NRK: variants seen among roughly 807,000 people sequenced by gnomAD.
The protein encoded by NRK is nik-related protein kinase.
A neutral mutation model predicts 125.2 loss-of-function variants in NRK; 67 were observed. The observed-to-expected ratio is 0.54, with a 90% CI of 0.44 to 0.66. The LOEUF (loss-of-function observed/expected upper bound fraction) is 0.66. Ranked by LOEUF, NRK falls within the 30% of genes least tolerant of loss-of-function variation. NRK has a pLI of 0.00. For synonymous variants in NRK, 458 were observed against 429.0 expected, an observed-to-expected ratio of 1.07 and a Z score of -0.84; for missense variants, 1,224 against 1,192.9, an observed-to-expected ratio of 1.03 and a Z score of -0.38.
At chrX:105,942,860 A>T (rs1444508320) in intron 23 of NRK, among the ~76,000 whole-genome samples, 2 of 110,735 alleles carry the variant, frequency 1.8e-5, no homozygotes, top group Non-Finnish European at 3.8e-5. Flanking sequence ...CCTGACCTCA[A>T]GTGATCCACC....
At chrX:105,885,472 T>C (rs1252956104) in intron 4 of NRK, among the ~76,000 whole-genome samples, 1 of 112,383 alleles carries the variant, frequency 8.9e-6, no homozygotes, top group Admixed American at 9.4e-5. Context: ...ATTTAAGTTG[T>C]CTTTTTGTAA....
intron 2 of NRK, among the ~76,000 whole-genome samples, chrX:105,851,101 T>C (rs1280531684): frequency 2.7e-5 from 3 of 112,017 alleles, no homozygotes; most frequent in African/African-American, 9.8e-5. Flanking sequence ...GTCAGCAACA[T>C]TGTGAGCAGA....
intron 14 of NRK, 113 bp downstream of exon 14, chrX:105,912,868 A>G: frequency 2.9e-6 from 1 of 339,175 alleles, no homozygotes; most frequent in Non-Finnish European, 5.3e-6. Flanking sequence ...GACCTCAAAA[A>G]GCTTTCATTT....
intron 17 of NRK, among the ~76,000 whole-genome samples, chrX:105,922,577 C>T (rs2040466467): frequency 9.0e-6 from 1 of 111,661 alleles, no homozygotes; most frequent in Non-Finnish European, 1.9e-5. Context: ...TTTTGAATTA[C>T]CTCTATGCTA....
chrX:105,895,227 T>G, intron 6 of NRK: 2 of 520,450 alleles, frequency 3.8e-6, no homozygotes. Context: ...TTTATTTTCC[T>G]TTCCTTATAG....
Position 105,937,616 on chromosome X carries a change from A to G in NRK, c.3799+34A>G. On this transcript the variant is annotated intron_variant, in intron 22 of 28. Transcript: ENST00000243300. ...AAGAACTAAAATTAGCTGAGTAATT[A>G]TGCAGATTAATTAGTCTGCAAACTG... The G allele has an allele frequency of 2.8e-6, 3 of 1,072,186 alleles. No homozygotes were observed. The South Asian group carries it at 6.7e-5, about 24-fold the overall frequency. 88.4% of individuals were successfully genotyped at this position (1,072,186 alleles called of 1,213,427 possible).
intron 7 of NRK, among the ~76,000 whole-genome samples, chrX:105,895,878 G>A (rs1170015234): frequency 9.0e-6 from 1 of 111,546 alleles, no homozygotes; most frequent in Non-Finnish European, 1.9e-5. Flanking sequence ...GCCAAGGGAA[G>A]GGATTTAAAA....
At chrX:105,902,505 T>C (rs1421998546) in intron 9 of NRK, among the ~76,000 whole-genome samples, 1 of 112,433 alleles carries the variant, frequency 8.9e-6, no homozygotes, top group Non-Finnish European at 1.9e-5. Flanking sequence ...TCTGATAATA[T>C]CCTCTGAGTT....
In NRK at chrX:105,924,979, A is replaced by G. The variant is rs1269389923; in HGVS notation, c.3260A>G (p.Asp1087Gly). The G allele has an allele frequency of 5.0e-6, 6 of 1,209,466 alleles. No homozygotes were observed. The highest frequency in any genetic ancestry group is 3.5e-5 in the African/African-American group (2 of 57,284). The change falls in exon 19 of 29, where the codon GAT (aspartate) becomes GGT (glycine). Residue 1087 changes from aspartate to glycine, a missense_variant. Transcript: ENST00000243300. ...LNGEENCSET[D>G]GPGLKRPASQ... ...GGAGAAGAAAATTGCTCAGAGACAG[A>G]TGGTCCAGGATTGAAGAGACCTGCG... is the stretch of plus-strand genomic sequence containing the variant.
At chrX:105,889,804 G>T (rs1429067060) in intron 5 of NRK, among the ~76,000 whole-genome samples, 1 of 112,230 alleles carries the variant, frequency 8.9e-6, no homozygotes, top group Non-Finnish European at 1.9e-5. Flanking sequence ...AAGTCCCTAG[G>T]CTGCACACAG....
At chrX:105,881,404 T>C (rs943230736) in intron 3 of NRK, among the ~76,000 whole-genome samples, 17 of 111,744 alleles carry the variant, frequency 1.5e-4, no homozygotes, top group Non-Finnish European at 3.0e-4. Context: ...TTAAAAATCA[T>C]GTTCAACCCA....
intron 2 of NRK, among the ~76,000 whole-genome samples, chrX:105,834,081 A>T (rs2147643249): frequency 9.0e-6 from 1 of 111,643 alleles, no homozygotes; most frequent in East Asian, 2.8e-4. Context: ...TGGAATCTTC[A>T]TTTCTTTAGT....
In NRK at chrX:105,956,761, C is replaced by T. The variant is rs1172769204; in HGVS notation, c.*1161C>T. On this transcript the variant is annotated 3_prime_UTR_variant, in exon 29 of 29. Coordinates refer to ENST00000243300, the MANE Select transcript of NRK (RefSeq NM_198465.4). ...CCTGCAAAATTAGAGTAGTGAAAGT[C>T]ATGCTAGTCCATCACCCAAATATGT... 2.7e-5 allele frequency: 3 copies of T among 111,593 alleles called. No individual in the cohort carries two copies. The Admixed American group carries it at 2.9e-4, about 11-fold the overall frequency. 9.2% of individuals were successfully genotyped at this position (111,593 alleles called of 1,213,427 possible). A position where few individuals can be genotyped will look rare whatever the true frequency, so the allele number is the denominator to read the frequency against.
intron 2 of NRK, among the ~76,000 whole-genome samples, chrX:105,847,922 T>C (rs2039422769): frequency 8.9e-6 from 1 of 111,876 alleles, no homozygotes; most frequent in African/African-American, 3.3e-5. Flanking sequence ...ACAAAACTAA[T>C]GGGGACAATA....
chrX:105,950,244 G>A (rs1031420074), intron 27 of NRK, among the ~76,000 whole-genome samples: 16 of 111,222 alleles, frequency 1.4e-4, no homozygotes, highest in African/African-American at 4.9e-4. Flanking sequence ...TGGAGTGCTT[G>A]TTAGGTACCA....
At chrX:105,921,562 G>A (rs775419896) in intron 16 of NRK, among the ~76,000 whole-genome samples, 8 of 109,388 alleles carry the variant, frequency 7.3e-5, no homozygotes, top group Admixed American at 2.0e-4. Context: ...ATACACTGTC[G>A]GGCTTTTTTT....
rs1461026884 is a variant in NRK, at chrX:105,856,122, T to A, written c.124-24077T>A. On this transcript the variant is annotated intron_variant, in intron 2 of 28. Transcript: ENST00000243300. ...TATCTAAATATGTTATTTAGTTACATTAACAGTTGCTTACAACAAACTTGA... is the reference window on the plus strand; with the variant it reads ...TATCTAAATATGTTATTTAGTTACAATAACAGTTGCTTACAACAAACTTGA... Among the ~76,000 whole-genome samples the A allele has an allele frequency of 2.9e-4, 33 of 111,995 alleles. No homozygotes were observed. The Admixed American group carries it at 3.1e-3, about 11-fold the overall frequency.
intron 7 of NRK, among the ~76,000 whole-genome samples, chrX:105,897,384 T>G (rs1415595493): frequency 8.9e-6 from 1 of 112,499 alleles, no homozygotes; most frequent in Non-Finnish European, 1.9e-5. Flanking sequence ...AAAATGATTA[T>G]ATTGCAGTTG....
In NRK at chrX:105,881,811, G is replaced by A. The variant is rs1444894053; in HGVS notation, c.252+32G>A. 1.9e-5 allele frequency: 15 copies of A among 808,412 alleles called. No individual in the cohort carries two copies. The African/African-American group carries it at 2.5e-4, about 13-fold the overall frequency. The allele number at this position is 808,412 out of a possible 1,213,427, so 66.6% of individuals were successfully genotyped here. A position where few individuals can be genotyped will look rare whatever the true frequency, so the allele number is the denominator to read the frequency against. On this transcript the variant is annotated intron_variant, in intron 4 of 28. Coordinates refer to ENST00000243300, the MANE Select transcript of NRK (RefSeq NM_198465.4). ...ACTAAAAGTTCTCATTAATACCCAAGTAGTCTTTCCTTTCATTTTCAGCTT... is the reference window on the plus strand; with the variant it reads ...ACTAAAAGTTCTCATTAATACCCAAATAGTCTTTCCTTTCATTTTCAGCTT...
Sources: allele counts gnomAD v4.1 joint callset (sites outside exome capture counted in the v4.1 genomes callset), GRCh38; gene constraint gnomAD v4.1.1; transcripts MANE v1.5; gene names NCBI Gene and HGNC (gene_info 2026-07-23, HGNC 2026-07-21).